Variants in DNAJC18 observed in about 807,000 individuals in gnomAD.
DNAJC18 encodes the protein DnaJ heat shock protein family (Hsp40) member C18.
Under a neutral mutation model 48.6 loss-of-function variants are expected in DNAJC18, and 40 were observed. That is an observed-to-expected ratio of 0.82 (90% CI 0.64 to 1.07). The LOEUF (loss-of-function observed/expected upper bound fraction) is 1.07, where lower values mean the gene tolerates loss of function less well. Among genes scored for constraint, DNAJC18 ranks in the 50% least tolerant of loss-of-function variants. DNAJC18 has a pLI of 0.00. For synonymous variants in DNAJC18, 135 were observed against 152.2 expected, an observed-to-expected ratio of 0.89 and a Z score of 0.83; for missense variants, 340 against 427.7, an observed-to-expected ratio of 0.79 and a Z score of 1.81.
chr5:139,427,258 A>G (rs1759258266), intron 3 of DNAJC18, among the ~76,000 whole-genome samples: 1 of 152,220 alleles, frequency 6.6e-6, no homozygotes, highest in Non-Finnish European at 1.5e-5. Context: ...AGGAGGGTTC[A>G]AAGGCTGAAT....
At position 139,422,615 on chromosome 5, in the gene DNAJC18, G is replaced by A; in HGVS notation, c.779+93C>T. On this transcript the variant is annotated intron_variant, in intron 6 of 7. Coordinates refer to ENST00000302060, the MANE Select transcript of DNAJC18 (RefSeq NM_152686.4). ...CAAATCGGTGTTTTCTACAGCAAAA[G>A]GTGAAATGAAATGTTAGTAATGTAT... 8.1e-6 allele frequency: 8 copies of A among 989,336 alleles called. No individual in the cohort carries two copies. The South Asian group carries it at 1.1e-4, about 14-fold the overall frequency. The allele number at this position is 989,336 out of a possible 1,614,324, so 61.3% of individuals were successfully genotyped here.
At chr5:139,414,566 G>C (rs758558066) in intron 7 of DNAJC18, among the ~76,000 whole-genome samples, 7 of 152,242 alleles carry the variant, frequency 4.6e-5, no homozygotes, top group Non-Finnish European at 8.8e-5. Context: ...ACCTGCGCAT[G>C]TGCAGTGAGA....
Position 139,420,170 on chromosome 5 carries a change from C to A in DNAJC18, c.835G>T (p.Val279Leu), listed in dbSNP as rs750518144. 3 of 1,611,932 alleles carry A rather than the reference C, an allele frequency of 1.9e-6. No homozygotes were observed. The South Asian group carries it at 3.3e-5, about 18-fold the overall frequency. The change falls in exon 7 of 8, where the codon GTG (valine) becomes TTG (leucine). Residue 279 changes from valine (V) to leucine (L), a missense_variant. Transcript: ENST00000302060. The part of the protein sequence containing the change: ...ETQNLQVPYF[V>L]DKNFDKAYRG... The stretch of plus-strand genomic sequence containing the variant: ...TAGGCCTTGTCAAAGTTTTTATCCA[C>A]AAAGTAAGGCACCTGCAGGTTCTGA...
chr5:139,438,654 A>T (rs1314031116), intron 1 of DNAJC18, among the ~76,000 whole-genome samples: 3 of 152,152 alleles, frequency 2.0e-5, no homozygotes, highest in South Asian at 4.1e-4. Flanking sequence ...CTGCTCCTGG[A>T]CAGTCTTCCT....
At position 139,420,433 on chromosome 5, in the gene DNAJC18, G is replaced by T. The variant is rs141502687; in HGVS notation, c.780-208C>A. 3.9e-4 allele frequency: 201 copies of T among 518,938 alleles called. No homozygotes were observed. In the Middle Eastern group the frequency reaches 4.4e-3, roughly 11 times the overall value. The allele number at this position is 518,938 out of a possible 1,614,324, so 32.1% of individuals were successfully genotyped here. A position where few individuals can be genotyped will look rare whatever the true frequency, so the allele number is the denominator to read the frequency against. On this transcript the variant is annotated intron_variant, in intron 6 of 7. Transcript: ENST00000302060. ...TATTATGTAAGCAAGTTCATACTAT[G>T]AATTCAGCTTCAGCATAGTTTATTC...
chr5:139,414,746 C>T (rs903766320), intron 7 of DNAJC18, among the ~76,000 whole-genome samples: 3 of 152,258 alleles, frequency 2.0e-5, no homozygotes, highest in African/African-American at 4.8e-5. Flanking sequence ...GCCGGGTGTG[C>T]GTCCACAGAA....
chr5:139,426,068 T>A (rs1291746843), intron 4 of DNAJC18, 104 bp downstream of exon 4: 6 of 1,267,504 alleles, frequency 4.7e-6, no homozygotes, highest in Non-Finnish European at 6.6e-6. Flanking sequence ...ATCCTTGCTG[T>A]TTCCATCATA....
intron 5 of DNAJC18, 30 bp from the exon 6 acceptor site, chr5:139,422,847 T>A: frequency 6.7e-7 from 1 of 1,503,116 alleles, no homozygotes; most frequent in Non-Finnish European, 9.0e-7. Flanking sequence ...AAAAACTTGC[T>A]GTAAGTGTTC....
intron 1 of DNAJC18, among the ~76,000 whole-genome samples, chr5:139,437,822 G>A (rs964258726): frequency 1.3e-5 from 2 of 152,030 alleles, no homozygotes; most frequent in African/African-American, 4.8e-5. Flanking sequence ...AAGTAGAGAG[G>A]AGTTCAATTC....
intron 2 of DNAJC18, among the ~76,000 whole-genome samples, chr5:139,429,858 T>C (rs911825526): frequency 1.3e-5 from 2 of 152,134 alleles, no homozygotes; most frequent in African/African-American, 4.8e-5. Flanking sequence ...GCCCAGGAGT[T>C]TGAGGCTGCA....
intron 2 of DNAJC18, among the ~76,000 whole-genome samples, chr5:139,436,475 A>G (rs925643738): frequency 1.4e-5 from 2 of 147,410 alleles, no homozygotes; most frequent in African/African-American, 5.0e-5. Context: ...TTGGCACACA[A>G]TTGTTCATAG....
At chr5:139,422,341 C>G (rs112035935) in intron 6 of DNAJC18, among the ~76,000 whole-genome samples, 7 of 152,258 alleles carry the variant, frequency 4.6e-5, no homozygotes, top group South Asian at 2.1e-4. Context: ...TACTATGCTC[C>G]GAGACCCACA....
intron 2 of DNAJC18, among the ~76,000 whole-genome samples, chr5:139,430,695 G>T (rs930132260): frequency 6.6e-6 from 1 of 150,460 alleles, no homozygotes; most frequent in Non-Finnish European, 1.5e-5. Flanking sequence ...TCAGCCTCCC[G>T]AGTAGCTGTG....
chr5:139,428,258 A>G (rs1205386352), intron 3 of DNAJC18, among the ~76,000 whole-genome samples: 1 of 151,382 alleles, frequency 6.6e-6, no homozygotes, highest in Non-Finnish European at 1.5e-5. Context: ...TTAGCCGGGC[A>G]TGGTGGTGCT....
intron 2 of DNAJC18, among the ~76,000 whole-genome samples, chr5:139,431,380 C>G (rs1029749682): frequency 6.6e-6 from 1 of 152,138 alleles, no homozygotes; most frequent in African/African-American, 2.4e-5. Context: ...TCCCCCAGCC[C>G]CTGGGACCCA....
intron 5 of DNAJC18, among the ~76,000 whole-genome samples, chr5:139,423,640 C>T (rs140914005): frequency 6.6e-6 from 1 of 151,884 alleles, no homozygotes; most frequent in African/African-American, 2.4e-5. Flanking sequence ...TCTCCTGCCT[C>T]AGTTCCCCCA....
chr5:139,427,892 A>AAT (rs1453626871), intron 3 of DNAJC18, among the ~76,000 whole-genome samples: 3 of 152,298 alleles, frequency 2.0e-5, no homozygotes, highest in African/African-American at 7.2e-5. Context: ...TTTTGGCAAG[A>AAT]ATACCCCATA....
chr5:139,417,487 C>A (rs531886514), intron 7 of DNAJC18, among the ~76,000 whole-genome samples: 43 of 151,840 alleles, frequency 2.8e-4, no homozygotes, highest in African/African-American at 9.9e-4. Context: ...TACTTAAATG[C>A]CAGAAATAGA....
At chr5:139,425,533 C>A (rs1759222470) in intron 4 of DNAJC18, among the ~76,000 whole-genome samples, 1 of 152,126 alleles carries the variant, frequency 6.6e-6, no homozygotes, top group African/African-American at 2.4e-5. Context: ...GCCTATTTTA[C>A]CCAGTAGAAA....
Sources: allele counts gnomAD v4.1 joint callset (sites outside exome capture counted in the v4.1 genomes callset), GRCh38; gene constraint gnomAD v4.1.1; transcripts MANE v1.5; gene names NCBI Gene and HGNC (gene_info 2026-07-23, HGNC 2026-07-21).